The following ANKRD62 variants were observed in gnomAD, a reference collection of about 807,000 sequenced individuals.
The protein encoded by ANKRD62 is ankyrin repeat domain-containing protein 62.
A neutral mutation model predicts 98.8 loss-of-function variants in ANKRD62; 61 were observed. The ratio of observed to expected loss-of-function variants is 0.62; its 90% CI spans 0.50 to 0.76. ANKRD62 has a LOEUF of 0.76. Among genes scored for constraint, ANKRD62 ranks in the 30% least tolerant of loss-of-function variants. The probability of loss-of-function intolerance (pLI) is 0.00; values close to 1 mark genes in which losing one functional copy is unlikely to be tolerated. For missense variants in ANKRD62, 933 were observed against 1,082.9 expected, an observed-to-expected ratio of 0.86 and a Z score of 1.94; for synonymous variants, 341 against 367.9, an observed-to-expected ratio of 0.93 and a Z score of 0.84.
rs1568056944 is a variant in ANKRD62 at position 12,095,301 on chromosome 18, CTCTT to C, written c.333+19_333+22del. Reference sequence around the variant, plus strand: ...TCTGATCAAGGTATATGGTAGCCAACTCTTTCAGCATGGGATGGATTTAATTTAA... The same window carrying C: ...TCTGATCAAGGTATATGGTAGCCAACTCAGCATGGGATGGATTTAATTTAA... On this transcript the variant is annotated intron_variant, in intron 2 of 13. Coordinates refer to ENST00000587848, the MANE Select transcript of ANKRD62 (RefSeq NM_001277333.2). 6.5e-7 allele frequency: 1 copy of C among 1,538,140 alleles called. No homozygotes were observed. Among genetic ancestry groups the C allele is most frequent in the Non-Finnish European group, 8.7e-7 (1 of 1,144,986 alleles).
the ANKRD62 span, among the ~76,000 whole-genome samples, chr18:12,156,619 A>G: frequency 6.6e-6 from 1 of 152,104 alleles, no homozygotes; most frequent in African/African-American, 2.4e-5. Flanking sequence ...CATTTTATAC[A>G]CATCTGTGTG....
chr18:12,166,063 C>T, the ANKRD62 span, among the ~76,000 whole-genome samples: 6 of 152,044 alleles, frequency 3.9e-5, no homozygotes, highest in Non-Finnish European at 1.5e-5. Flanking sequence ...TTTTAAGATC[C>T]TTTCTTTATT....
intron 11 of ANKRD62, among the ~76,000 whole-genome samples, chr18:12,123,726 G>A (rs988273034): frequency 1.4e-4 from 21 of 152,246 alleles, no homozygotes; most frequent in African/African-American, 2.4e-4. Context: ...GATACCTGCC[G>A]TATTTCATGA....
At chr18:12,134,423 G>A (rs1250917967), downstream of ANKRD62, among the ~76,000 whole-genome samples, 3 of 151,698 alleles carry the variant, frequency 2.0e-5, no homozygotes, top group South Asian at 2.1e-4. Flanking sequence ...TGTGCACAAC[G>A]TGCAGGTTTG....
chr18:12,145,145 C>T, the ANKRD62 span, among the ~76,000 whole-genome samples: 4 of 152,220 alleles, frequency 2.6e-5, no homozygotes, highest in South Asian at 8.3e-4. Flanking sequence ...CTGTGCTGTG[C>T]TGTGCTGGGG....
At chr18:12,162,005 C>CT in the ANKRD62 span, among the ~76,000 whole-genome samples, 1 of 152,084 alleles carries the variant, frequency 6.6e-6, no homozygotes, top group African/African-American at 2.4e-5. Flanking sequence ...GCAGACATCT[C>CT]TGAGAATCTA....
At chr18:12,158,764 G>C in the ANKRD62 span, among the ~76,000 whole-genome samples, 1 of 149,084 alleles carries the variant, frequency 6.7e-6, no homozygotes, top group Non-Finnish European at 1.5e-5. Flanking sequence ...TCGATCTCCT[G>C]ACCTCGTGAT....
At chr18:12,130,030 A>T (rs2143939026), downstream of ANKRD62, among the ~76,000 whole-genome samples, 1 of 152,338 alleles carries the variant, frequency 6.6e-6, no homozygotes, top group African/African-American at 2.4e-5. Context: ...CAACATACAA[A>T]ATATCTTGAG....
At chr18:12,160,315 G>A in the ANKRD62 span, among the ~76,000 whole-genome samples, 46 of 152,166 alleles carry the variant, frequency 3.0e-4, no homozygotes, top group Non-Finnish European at 1.9e-4. Flanking sequence ...TACATGTGTA[G>A]GTGAGTGTTA....
chr18:12,105,549 C>G (rs1042096897), intron 7 of ANKRD62, among the ~76,000 whole-genome samples: 2 of 152,094 alleles, frequency 1.3e-5, no homozygotes, highest in Non-Finnish European at 2.9e-5. Flanking sequence ...CACAGCTCTT[C>G]TTAGAAAGAA....
Position 12,107,293 on chromosome 18 carries a change from A to C in ANKRD62, c.892-2A>C. On this transcript the variant is annotated splice_acceptor_variant, in intron 7 of 13. Transcript: ENST00000587848. LOFTEE classifies it high-confidence loss of function. ...ATTCTCAGTATGAAACTTTCATTGA[A>C]GGTTGAAGAAAAAATGAAGAAATGC... 6.7e-7 allele frequency: 1 copy of C among 1,485,550 alleles called. No individual in the cohort carries two copies. The highest frequency in any genetic ancestry group is 1.4e-5 in the South Asian group (1 of 73,734). 92.0% of individuals were successfully genotyped at this position (1,485,550 alleles called of 1,614,324 possible). A position where few individuals can be genotyped will look rare whatever the true frequency, so the allele number is the denominator to read the frequency against.
At chr18:12,161,370 C>T in the ANKRD62 span, among the ~76,000 whole-genome samples, 2 of 152,002 alleles carry the variant, frequency 1.3e-5, no homozygotes, top group African/African-American at 4.8e-5. Context: ...ATATAATACG[C>T]CATTTTCCTT....
chr18:12,138,465 A>G, the ANKRD62 span, among the ~76,000 whole-genome samples: 5 of 152,204 alleles, frequency 3.3e-5, no homozygotes, highest in South Asian at 2.1e-4. Flanking sequence ...TTTACTTCCA[A>G]CGATGTGGTC....
rs750875682 is a variant in ANKRD62 at position 12,095,613 on chromosome 18, A to G, written c.507+3A>G. The G allele has an allele frequency of 1.6e-4, 246 of 1,500,142 alleles. 1 individual carries two copies. The highest frequency in any genetic ancestry group is 2.0e-4 in the Non-Finnish European group (230 of 1,127,950). The allele number at this position is 1,500,142 out of a possible 1,614,324, so 92.9% of individuals were successfully genotyped here. ...CAGATATTGAAGCAAGAAGCCAGGT[A>G]TGATCAACCAATGTTCTTTTCAAAG... On this transcript the variant is annotated splice_donor_region_variant and intron_variant, in intron 3 of 13. Transcript: ENST00000587848.
chr18:12,138,146 A>C, the ANKRD62 span, among the ~76,000 whole-genome samples: 15 of 151,946 alleles, frequency 9.9e-5, no homozygotes, highest in Non-Finnish European at 1.6e-4. Flanking sequence ...TTAGGGTGTC[A>C]ATTTTAGATC....
At chr18:12,166,061 T>G in the ANKRD62 span, among the ~76,000 whole-genome samples, 1 of 152,160 alleles carries the variant, frequency 6.6e-6, no homozygotes, top group South Asian at 2.1e-4. Context: ...GCTTTTAAGA[T>G]CCTTTCTTTA....
chr18:12,163,822 A>T, the ANKRD62 span, among the ~76,000 whole-genome samples: 1 of 152,038 alleles, frequency 6.6e-6, no homozygotes, highest in Non-Finnish European at 1.5e-5. Context: ...ACACTGATTG[A>T]TTTGCATATG....
At chr18:12,098,993 ATC>A (rs1421281768) in intron 5 of ANKRD62, among the ~76,000 whole-genome samples, 1 of 152,254 alleles carries the variant, frequency 6.6e-6, no homozygotes, top group East Asian at 1.9e-4. Flanking sequence ...TAATGAGACA[ATC>A]TATTTATCAA....
In ANKRD62 at chr18:12,122,351, G is replaced by T; in HGVS notation, c.1289G>T (p.Arg430Ile). 6.5e-7 allele frequency: 1 copy of T among 1,535,510 alleles called. No individual in the cohort carries two copies. Among genetic ancestry groups the T allele is most frequent in the South Asian group, 1.2e-5 (1 of 83,976 alleles). ...KSKNATAACG[R>I]SIEDQKCYCE... is the part of the protein sequence containing the mutation. ...AAGAATGCAACAGCTGCATGTGGAAGATCAATAGAGGATCAAAAATGTTAC... is the reference window on the plus strand; with the variant it reads ...AAGAATGCAACAGCTGCATGTGGAATATCAATAGAGGATCAAAAATGTTAC... The change falls in exon 11 of 14, where the codon AGA (arginine) becomes ATA (isoleucine). Residue 430 changes from arginine (R) to isoleucine (I), a missense_variant. Physicochemically the swap from Arg to Ile is moderately conservative, Grantham distance 97. This residue lies in a region of ANKRD62 where 549 missense variants were observed against 587.9 expected (regional missense o/e 0.93). Coordinates refer to ENST00000587848, the MANE Select transcript of ANKRD62 (RefSeq NM_001277333.2).
Sources: gnomAD v4.1 joint callset for allele counts (sites outside exome capture counted in the v4.1 genomes callset) on GRCh38, gnomAD v4.1.1 for gene constraint, gnomAD v4.1.1 regional missense constraint, MANE v1.5 for transcripts, NCBI Gene and HGNC (gene_info 2026-07-23, HGNC 2026-07-21) for gene names.